Variants in RB1CC1 observed in about 807,000 individuals in gnomAD.
RB1CC1 encodes the protein RB1-inducible coiled-coil protein 1.
A neutral mutation model predicts 177.5 loss-of-function variants in RB1CC1; 46 were observed. That is an observed-to-expected ratio of 0.26 (90% CI 0.20 to 0.33). The LOEUF (loss-of-function observed/expected upper bound fraction) is 0.33. Among genes scored for constraint, RB1CC1 ranks in the 10% least tolerant of loss-of-function variants. The pLI is 1.00. For synonymous variants in RB1CC1, 666 were observed against 613.6 expected, an observed-to-expected ratio of 1.09 and a Z score of -1.26; for missense variants, 1,703 against 1,816.3, an observed-to-expected ratio of 0.94 and a Z score of 1.13.
chr8:52,706,043 A>C (rs1454728484), intron 1 of RB1CC1, among the ~76,000 whole-genome samples: 1 of 152,160 alleles, frequency 6.6e-6, no homozygotes, highest in Non-Finnish European at 1.5e-5. Context: ...TTTAATAGCA[A>C]TCTTTTTAAC....
intron 5 of RB1CC1, among the ~76,000 whole-genome samples, chr8:52,680,342 C>G (rs920151797): frequency 6.6e-6 from 1 of 152,054 alleles, no homozygotes; most frequent in African/African-American, 2.4e-5. Context: ...GAAGAAGACA[C>G]GGCTGAAAAC....
Position 52,623,630 on chromosome 8 carries a change from C to T in RB1CC1, c.*152G>A. On this transcript the variant is annotated 3_prime_UTR_variant, in exon 24 of 24. Coordinates refer to ENST00000025008, the MANE Select transcript of RB1CC1 (RefSeq NM_014781.5). ...TGAATTTATTATTCCTAAAATGAAG[C>T]CAGTTAAAAAGTAAACGATGTACAC... 1.5e-6 allele frequency: 1 copy of T among 675,400 alleles called. No individual in the cohort carries two copies. Among genetic ancestry groups the T allele is most frequent in the Non-Finnish European group, 2.7e-6 (1 of 365,740 alleles). 41.8% of individuals were successfully genotyped at this position (675,400 alleles called of 1,614,324 possible).
intron 8 of RB1CC1, among the ~76,000 whole-genome samples, chr8:52,666,278 C>A (rs543568453): frequency 7.4e-4 from 112 of 152,100 alleles, no homozygotes; most frequent in African/African-American, 2.6e-3. Context: ...GTAATCCCAG[C>A]ACTTTTGGAG....
intron 8 of RB1CC1, among the ~76,000 whole-genome samples, chr8:52,663,030 A>C (rs112198820): frequency 1.7e-4 from 26 of 152,256 alleles, no homozygotes; most frequent in East Asian, 7.7e-4. Context: ...GGAAAAAATA[A>C]AGTTTTTCAA....
At chr8:52,651,051 A>G (rs1366539051) in intron 15 of RB1CC1, among the ~76,000 whole-genome samples, 2 of 152,268 alleles carry the variant, frequency 1.3e-5, no homozygotes, top group Non-Finnish European at 2.9e-5. Context: ...AAGGAATTGC[A>G]AAGCAATTAC....
At position 52,661,132 on chromosome 8, in the gene RB1CC1, A is replaced by G. The variant is rs1476902183; in HGVS notation, c.1508T>C (p.Val503Ala). The G allele has an allele frequency of 3.7e-6, 6 of 1,613,400 alleles. No individual in the cohort carries two copies. The South Asian group carries it at 4.4e-5, about 12-fold the overall frequency. The change falls in exon 10 of 24, where the codon GTT (valine) becomes GCT (alanine). Residue 503 changes from valine (V) to alanine (A), a missense_variant. By Grantham distance (64) the Val-to-Ala change is moderately conservative. Transcript: ENST00000025008. ...PQMYCLAVVE[V>A]VRRKMFIKHY... ...TTTTATGAACATTTTTCTTCTTACA[A>G]CCTCAACAACAGCTAAGCAGTACAT...
At chr8:52,647,753 G>A (rs183737946) in intron 15 of RB1CC1, among the ~76,000 whole-genome samples, 1 of 152,264 alleles carries the variant, frequency 6.6e-6, no homozygotes, top group East Asian at 1.9e-4. Context: ...GAACAGTAAA[G>A]GTTATGAATT....
At chr8:52,636,148 A>G in intron 18 of RB1CC1, 79 bp from the exon 19 acceptor site, 1 of 1,411,072 alleles carries the variant, frequency 7.1e-7, no homozygotes, top group Middle Eastern at 2.5e-4. Flanking sequence ...TAAAATATTA[A>G]TACAGATCAC....
intron 1 of RB1CC1, among the ~76,000 whole-genome samples, chr8:52,688,916 G>A (rs1854551263): frequency 6.6e-6 from 1 of 152,086 alleles, no homozygotes. Context: ...GTGAAATATT[G>A]GGGGTGGGTT....
chr8:52,673,103 T>C (rs750892871), intron 7 of RB1CC1, among the ~76,000 whole-genome samples: 1 of 152,222 alleles, frequency 6.6e-6, no homozygotes, highest in Non-Finnish European at 1.5e-5. Context: ...CTGCTCTAAA[T>C]AGTGAATCAA....
At chr8:52,666,411 C>T (rs1368299728) in intron 8 of RB1CC1, among the ~76,000 whole-genome samples, 2 of 151,562 alleles carry the variant, frequency 1.3e-5, no homozygotes, top group Non-Finnish European at 1.5e-5. Flanking sequence ...CCAGCTACTT[C>T]GGAGACTGAG....
intron 7 of RB1CC1, among the ~76,000 whole-genome samples, chr8:52,670,838 A>T (rs2150540684): frequency 6.6e-6 from 1 of 151,882 alleles, no homozygotes; most frequent in South Asian, 2.1e-4. Flanking sequence ...AAAAACAAAA[A>T]TTTGCCAGGT....
At chr8:52,643,719 A>G (rs74770510) in intron 16 of RB1CC1, among the ~76,000 whole-genome samples, 2 of 135,146 alleles carry the variant, frequency 1.5e-5, no homozygotes, top group South Asian at 4.8e-4. Flanking sequence ...AAAAAAAAAA[A>G]TTTACTTACA....
chr8:52,645,846 T>C lies in RB1CC1; in HGVS notation c.3843A>G (p.Arg1281=). The C allele has an allele frequency of 6.2e-7, 1 of 1,600,986 alleles. No individual in the cohort carries two copies. Among genetic ancestry groups the C allele is most frequent in the Non-Finnish European group, 8.5e-7 (1 of 1,176,888 alleles). The part of the protein sequence containing the change: ...IAKSPAIDST[R]GDSSSLVAEL... ...CAGCAACTAAGCTTGAAGAATCTCC[T>C]CTGGTAGAGTCAATGGCAGGACTTA... Residue 1281 remains arginine (R), a synonymous_variant, in exon 16 of 24, where the codon AGA becomes AGG. Coordinates refer to ENST00000025008, the MANE Select transcript of RB1CC1 (RefSeq NM_014781.5).
At chr8:52,710,328 A>G (rs908958418) in intron 1 of RB1CC1, among the ~76,000 whole-genome samples, 3 of 152,240 alleles carry the variant, frequency 2.0e-5, no homozygotes, top group African/African-American at 7.2e-5. Context: ...CAACTTCGCC[A>G]AAAGAATGAA....
chr8:52,671,116 C>T (rs1591037714), intron 7 of RB1CC1, among the ~76,000 whole-genome samples: 1 of 152,172 alleles, frequency 6.6e-6, no homozygotes, highest in East Asian at 1.9e-4. Flanking sequence ...AAATATAAAA[C>T]TAGGAATCCC....
At chr8:52,633,472 C>T (rs2150384975) in intron 20 of RB1CC1, among the ~76,000 whole-genome samples, 1 of 152,198 alleles carries the variant, frequency 6.6e-6, no homozygotes, top group Admixed American at 6.5e-5. Flanking sequence ...TCTTCTAAGT[C>T]TTTGTGATAA....
At chr8:52,633,195 C>T (rs973514719) in intron 20 of RB1CC1, among the ~76,000 whole-genome samples, 7 of 152,060 alleles carry the variant, frequency 4.6e-5, no homozygotes, top group African/African-American at 1.4e-4. Flanking sequence ...CAGGACCTCC[C>T]GAGGCTGTGT....
intron 11 of RB1CC1, 99 bp downstream of exon 11, chr8:52,660,827 C>A: frequency 8.9e-7 from 1 of 1,121,330 alleles, no homozygotes; most frequent in South Asian, 1.5e-5. Flanking sequence ...ATATCAATGG[C>A]AATTAACAGC....
Sources: gnomAD v4.1 joint callset for allele counts (sites outside exome capture counted in the v4.1 genomes callset) on GRCh38, gnomAD v4.1.1 for gene constraint, MANE v1.5 for transcripts, NCBI Gene and HGNC (gene_info 2026-07-23, HGNC 2026-07-21) for gene names.